EPRS1: variants seen among roughly 807,000 people sequenced by gnomAD.
EPRS1 encodes bifunctional glutamate/proline--tRNA ligase.
In EPRS1, 107 loss-of-function variants were observed where a neutral mutation model predicts 188.3. The ratio of observed to expected loss-of-function variants is 0.57; its 90% CI spans 0.49 to 0.67. The LOEUF (loss-of-function observed/expected upper bound fraction) is 0.67. Ranked by LOEUF, EPRS1 falls within the 30% of genes least tolerant of loss-of-function variation. The pLI is 0.00. For missense variants in EPRS1, 1,577 were observed against 1,802.2 expected, an observed-to-expected ratio of 0.88 and a Z score of 2.26; for synonymous variants, 596 against 593.1, an observed-to-expected ratio of 1.00 and a Z score of -0.07.
At chr1:220,020,286 A>G in intron 9 of EPRS1, 65 bp from the exon 10 acceptor site, 1 of 978,354 alleles carries the variant, frequency 1.0e-6, no homozygotes, top group Non-Finnish European at 1.6e-6. Flanking sequence ...TAAGCATTAT[A>G]AACAACAATA....
At chr1:220,028,892 T>C (rs1571694110) in intron 6 of EPRS1, among the ~76,000 whole-genome samples, 3 of 152,090 alleles carry the variant, frequency 2.0e-5, no homozygotes, top group East Asian at 3.9e-4. Flanking sequence ...ATGAAAACTA[T>C]GCATAGTAAA....
At position 220,006,178 on chromosome 1, in the gene EPRS1, A is replaced by C. The variant is rs41274786; in HGVS notation, c.1878T>G (p.Tyr626Ter). 4 of 1,602,344 alleles carry C rather than the reference A, an allele frequency of 2.5e-6. No homozygotes were observed. The highest frequency in any genetic ancestry group is 3.4e-6 in the Non-Finnish European group (4 of 1,172,978). Residue 626 changes from tyrosine (Y) to a stop codon, truncating the protein, a stop_gained, in exon 15 of 32, where the codon TAT becomes TAG. Coordinates refer to ENST00000366923, the MANE Select transcript of EPRS1 (RefSeq NM_004446.3). LOFTEE classifies it high-confidence loss of function. ...GCACTGGCTTTGTGATCAAGTGCTC[A>C]TAAGTGACACAGATTACTGGAATAG... ...ALPIPVICVT[Y>*]EHLITKPVLG...
At chr1:219,996,751 C>T (rs1335977835) in intron 18 of EPRS1, among the ~76,000 whole-genome samples, 3 of 152,172 alleles carry the variant, frequency 2.0e-5, no homozygotes, top group Non-Finnish European at 4.4e-5. Context: ...ACAGTCACAT[C>T]ACATAAGAGT....
chr1:220,036,410 T>C (rs1662181219), intron 2 of EPRS1, among the ~76,000 whole-genome samples: 1 of 150,750 alleles, frequency 6.6e-6, no homozygotes, highest in East Asian at 2.0e-4. Context: ...CTATTCACAA[T>C]AACAAAGACA....
intron 12 of EPRS1, chr1:220,018,131 TAC>T (rs1558056789): frequency 7.5e-7 from 1 of 1,340,038 alleles, no homozygotes; most frequent in African/African-American, 1.5e-5. Context: ...AATACCTTCT[TAC>T]AGAGAGCTCG....
intron 5 of EPRS1, among the ~76,000 whole-genome samples, chr1:220,031,642 A>G (rs1662085748): frequency 6.6e-6 from 1 of 152,240 alleles, no homozygotes; most frequent in Non-Finnish European, 1.5e-5. Flanking sequence ...AAACTTTACA[A>G]CACATTCCTA....
At chr1:219,988,409 A>G (rs2795310) in intron 19 of EPRS1, among the ~76,000 whole-genome samples, 181 bp downstream of exon 19, 122,495 of 151,788 alleles carry the variant, frequency 0.81, 49,556 homozygotes, top group East Asian at 0.94. Flanking sequence ...AAAACATCCA[A>G]TCAAATCTAG....
Position 220,032,439 on chromosome 1 carries a change from G to T in EPRS1, c.476C>A (p.Ala159Asp), listed in dbSNP as rs904582377. The change falls in exon 5 of 32, where the codon GCC (alanine) becomes GAC (aspartate). Residue 159 changes from alanine to aspartate, a missense_variant. Ala to Asp is a moderately radical substitution (Grantham distance 126, BLOSUM62 -2). Coordinates refer to ENST00000366923, the MANE Select transcript of EPRS1 (RefSeq NM_004446.3). The stretch of plus-strand genomic sequence containing the variant: ...CCACTTGGTACCTACTGACTGGAAG[G>T]CCTGCTGGGCTTCAAGAAAGCCAAA... ...RWFGFLEAQQ[A>D]FQSVGTKWDV... 1.9e-6 allele frequency: 3 copies of T among 1,613,136 alleles called. No individual in the cohort carries two copies. The highest frequency in any genetic ancestry group is 1.3e-5 in the African/African-American group (1 of 74,730).
intron 6 of EPRS1, among the ~76,000 whole-genome samples, chr1:220,027,737 C>G (rs1457255070): frequency 6.6e-6 from 1 of 152,022 alleles, no homozygotes; most frequent in Non-Finnish European, 1.5e-5. Flanking sequence ...AATCCCGACA[C>G]TATGGGAGGC....
At chr1:219,977,729 G>A (rs992373199) in intron 28 of EPRS1, among the ~76,000 whole-genome samples, 1 of 152,052 alleles carries the variant, frequency 6.6e-6, no homozygotes, top group African/African-American at 2.4e-5. Context: ...CTCAGCACAG[G>A]AAATTTACCT....
intron 1 of EPRS1, among the ~76,000 whole-genome samples, chr1:220,041,752 A>C (rs972611573): frequency 6.6e-6 from 1 of 152,120 alleles, no homozygotes; most frequent in Non-Finnish European, 1.5e-5. Flanking sequence ...AGGCAGGAGA[A>C]TCACTTGAAC....
intron 18 of EPRS1, among the ~76,000 whole-genome samples, chr1:219,993,736 C>A (rs981409342): frequency 6.6e-6 from 1 of 152,160 alleles, no homozygotes; most frequent in Admixed American, 6.5e-5. Flanking sequence ...AACTCTCTAG[C>A]GCTTTCAATG....
chr1:219,977,194 G>T (rs1395788607), intron 28 of EPRS1, among the ~76,000 whole-genome samples: 1 of 152,096 alleles, frequency 6.6e-6, no homozygotes, highest in East Asian at 1.9e-4. Context: ...GCATTAAAAA[G>T]TATAACTAAT....
chr1:219,975,863 C>G (rs1417367070), intron 28 of EPRS1, among the ~76,000 whole-genome samples: 2 of 138,736 alleles, frequency 1.4e-5, no homozygotes, highest in Non-Finnish European at 3.2e-5. Flanking sequence ...TGGATATCTA[C>G]ATATATATAC....
In EPRS1 at chr1:219,978,508, C is replaced by A. The variant is rs543367526; in HGVS notation, c.4083+38G>T. ...CAGAGGAAAATCTAAACTCAAATTGCAGATGTTGGGGGTAAAAGATAAAGC... is the reference window on the plus strand; with the variant it reads ...CAGAGGAAAATCTAAACTCAAATTGAAGATGTTGGGGGTAAAAGATAAAGC... On this transcript the variant is annotated intron_variant, in intron 28 of 31. Transcript: ENST00000366923. 18 of 1,452,486 alleles carry A rather than the reference C, an allele frequency of 1.2e-5. No homozygotes were observed. In the African/African-American group the frequency reaches 2.3e-4, roughly 18 times the overall value. 90.0% of individuals were successfully genotyped at this position (1,452,486 alleles called of 1,614,324 possible). A position where few individuals can be genotyped will look rare whatever the true frequency, so the allele number is the denominator to read the frequency against.
chr1:219,981,064 A>G (rs1660886850), intron 24 of EPRS1, among the ~76,000 whole-genome samples: 1 of 152,004 alleles, frequency 6.6e-6, no homozygotes, highest in South Asian at 2.1e-4. Context: ...GCAGCTGGCT[A>G]ATTTTTGCAT....
chr1:219,984,373 C>G, intron 20 of EPRS1, 116 bp from the exon 21 acceptor site: 2 of 739,104 alleles, frequency 2.7e-6, no homozygotes, highest in South Asian at 3.2e-5. Context: ...TGAGTTATTT[C>G]TGTATTTGTA....
chr1:220,037,706 T>A (rs1281221842), intron 2 of EPRS1, among the ~76,000 whole-genome samples: 1 of 151,926 alleles, frequency 6.6e-6, no homozygotes, highest in Non-Finnish European at 1.5e-5. Flanking sequence ...GCAGAACAGA[T>A]GAAAAATAGA....
chr1:219,978,421 A>G, intron 28 of EPRS1, 125 bp downstream of exon 28: 1 of 676,460 alleles, frequency 1.5e-6, no homozygotes, highest in Non-Finnish European at 2.4e-6. Context: ...GTGAAGAAGA[A>G]GAAAACTCAC....
Sources: allele counts gnomAD v4.1 joint callset (sites outside exome capture counted in the v4.1 genomes callset), GRCh38; gene constraint gnomAD v4.1.1; transcripts MANE v1.5; gene names NCBI Gene and HGNC (gene_info 2026-07-23, HGNC 2026-07-21).